Variants in SEMA3E observed in about 807,000 individuals in gnomAD.
SEMA3E encodes semaphorin 3E.
A neutral mutation model predicts 93.6 loss-of-function variants in SEMA3E; 49 were observed. The ratio of observed to expected loss-of-function variants is 0.52; its 90% CI spans 0.42 to 0.66. The LOEUF (loss-of-function observed/expected upper bound fraction) is 0.66, where lower values mean the gene tolerates loss of function less well. Ranked by LOEUF, SEMA3E falls within the 30% of genes least tolerant of loss-of-function variation. The pLI is 0.00. For missense variants in SEMA3E, 906 were observed against 964.8 expected, an observed-to-expected ratio of 0.94 and a Z score of 0.81; for synonymous variants, 363 against 330.7, an observed-to-expected ratio of 1.10 and a Z score of -1.06.
At position 83,408,391 on chromosome 7, in the gene SEMA3E, T is replaced by C. The variant is rs1788366755; in HGVS notation, c.647A>G (p.His216Arg). ...MGRLAHIRTE[H>R]DDERLLKEPK... ...ACCTTTCAACAGACGCTCATCGTCA[T>C]GCTCAGTGCGGATATGGGCCAGTCG... Residue 216 changes from histidine (H) to arginine (R), a missense_variant, in exon 6 of 17, where the codon CAT (histidine) becomes CGT (arginine). Transcript: ENST00000643230. The C allele has an allele frequency of 2.5e-6, 4 of 1,613,714 alleles. No individual in the cohort carries two copies. Among genetic ancestry groups the C allele is most frequent in the South Asian group, 1.1e-5 (1 of 91,094 alleles).
At chr7:83,538,621 T>G (rs552316549) in intron 1 of SEMA3E, among the ~76,000 whole-genome samples, 1 of 152,306 alleles carries the variant, frequency 6.6e-6, no homozygotes, top group South Asian at 2.1e-4. Flanking sequence ...TAAAAATGAT[T>G]AAGATATAAA....
intron 2 of SEMA3E, among the ~76,000 whole-genome samples, chr7:83,470,277 C>T (rs1381301071): frequency 2.0e-5 from 3 of 152,100 alleles, no homozygotes; most frequent in Non-Finnish European, 2.9e-5. Context: ...ATCAGTTATA[C>T]TTGTTAACTG....
intron 1 of SEMA3E, among the ~76,000 whole-genome samples, chr7:83,627,593 G>A (rs1326303722): frequency 6.8e-6 from 1 of 147,930 alleles, no homozygotes; most frequent in Non-Finnish European, 1.5e-5. Context: ...TTGGTTTAAA[G>A]GCTGTTTTAT....
chr7:83,522,959 C>A (rs570102302), intron 1 of SEMA3E, among the ~76,000 whole-genome samples: 1 of 152,006 alleles, frequency 6.6e-6, no homozygotes, highest in African/African-American at 2.4e-5. Flanking sequence ...GGTGAGAATA[C>A]GTTAGGAAGG....
intron 11 of SEMA3E, among the ~76,000 whole-genome samples, chr7:83,399,380 CTTTGT>C (rs1240340955): frequency 6.6e-6 from 1 of 152,094 alleles, no homozygotes; most frequent in African/African-American, 2.4e-5. Context: ...ATTTATCATA[CTTTGT>C]TTTATTAATG....
chr7:83,506,542 A>G (rs934629941), intron 1 of SEMA3E, among the ~76,000 whole-genome samples: 8 of 152,112 alleles, frequency 5.3e-5, no homozygotes, highest in Non-Finnish European at 1.0e-4. Context: ...AAGATCTAGT[A>G]TTTGATAGCA....
chr7:83,486,036 G>GGTGT (rs144076827), intron 2 of SEMA3E, among the ~76,000 whole-genome samples: 3 of 151,398 alleles, frequency 2.0e-5, no homozygotes, highest in South Asian at 2.1e-4. Flanking sequence ...CATGGTTAAT[G>GGTGT]GTGTGTGTGT....
At chr7:83,607,987 C>T (rs189736304) in intron 1 of SEMA3E, among the ~76,000 whole-genome samples, 148 of 152,090 alleles carry the variant, frequency 9.7e-4, no homozygotes, top group African/African-American at 3.4e-3. Flanking sequence ...GAAGCCAAGG[C>T]GGGCAGATCA....
At chr7:83,481,092 G>C (rs1790136144) in intron 2 of SEMA3E, among the ~76,000 whole-genome samples, 1 of 152,238 alleles carries the variant, frequency 6.6e-6, no homozygotes, top group East Asian at 1.9e-4. Flanking sequence ...CCAATGGTTA[G>C]AGCCCCATCC....
At position 83,407,079 on chromosome 7, in the gene SEMA3E, T is replaced by C. The variant is rs1562768073; in HGVS notation, c.813+18A>G. The C allele has an allele frequency of 6.2e-7, 1 of 1,613,044 alleles. No homozygotes were observed. Among genetic ancestry groups the C allele is most frequent in the Non-Finnish European group, 8.5e-7 (1 of 1,179,578 alleles). The stretch of plus-strand genomic sequence containing the variant: ...TAAATTGTGAGATAAGCAAGCATAA[T>C]GAGAGAGAAAGCCTCACCACACAGA... On this transcript the variant is annotated intron_variant, in intron 7 of 16. Coordinates refer to ENST00000643230, the MANE Select transcript of SEMA3E (RefSeq NM_012431.3).
chr7:83,590,862 C>A (rs926451616), intron 1 of SEMA3E, among the ~76,000 whole-genome samples: 8 of 152,018 alleles, frequency 5.3e-5, no homozygotes, highest in African/African-American at 1.9e-4. Flanking sequence ...ATTATAATAA[C>A]CTTCCCATAT....
chr7:83,583,347 G>A (rs1792553579), intron 1 of SEMA3E, among the ~76,000 whole-genome samples: 1 of 152,118 alleles, frequency 6.6e-6, no homozygotes, highest in South Asian at 2.1e-4. Flanking sequence ...CACTTATCAT[G>A]TCTTTCCATT....
intron 1 of SEMA3E, among the ~76,000 whole-genome samples, chr7:83,580,702 C>G (rs915373832): frequency 6.6e-6 from 1 of 151,960 alleles, no homozygotes; most frequent in Non-Finnish European, 1.5e-5. Context: ...CCTTAATCCT[C>G]TATATCATAG....
At chr7:83,647,797 A>G (rs2115730451) in intron 1 of SEMA3E, among the ~76,000 whole-genome samples, 1 of 152,344 alleles carries the variant, frequency 6.6e-6, no homozygotes, top group African/African-American at 2.4e-5. Flanking sequence ...TTTTACAAGC[A>G]TTGTCATAAA....
intron 1 of SEMA3E, among the ~76,000 whole-genome samples, chr7:83,599,304 T>A (rs1341491383): frequency 2.6e-5 from 4 of 152,162 alleles, no homozygotes; most frequent in African/African-American, 9.7e-5. Flanking sequence ...ATGGAATTAC[T>A]TTCTTTTCCC....
chr7:83,599,730 T>G (rs1792943701), intron 1 of SEMA3E, among the ~76,000 whole-genome samples: 1 of 152,166 alleles, frequency 6.6e-6, no homozygotes, highest in African/African-American at 2.4e-5. Flanking sequence ...AGCCTTTGTT[T>G]AAGAGTATAT....
chr7:83,396,840 A>G, intron 11 of SEMA3E, 111 bp from the exon 12 acceptor site: 1 of 715,192 alleles, frequency 1.4e-6, no homozygotes, highest in Non-Finnish European at 2.5e-6. Context: ...TCACTTTGGG[A>G]GGCCAAGATG....
chr7:83,459,005 G>C (rs1584261961), intron 4 of SEMA3E, among the ~76,000 whole-genome samples: 1 of 144,362 alleles, frequency 6.9e-6, no homozygotes, highest in East Asian at 2.0e-4. Flanking sequence ...TGAAGGAAAG[G>C]AGTGGGTAAA....
intron 1 of SEMA3E, among the ~76,000 whole-genome samples, chr7:83,528,935 G>A (rs1791225963): frequency 6.6e-6 from 1 of 151,990 alleles, no homozygotes; most frequent in African/African-American, 2.4e-5. Context: ...ATGCTCAAGT[G>A]GAGAGGTAAA....
Sources: allele counts gnomAD v4.1 joint callset (sites outside exome capture counted in the v4.1 genomes callset), GRCh38; gene constraint gnomAD v4.1.1; transcripts MANE v1.5; gene names NCBI Gene and HGNC (gene_info 2026-07-23, HGNC 2026-07-21).